BAZ1A: variants seen among roughly 807,000 people sequenced by gnomAD.
BAZ1A encodes bromodomain adjacent to zinc finger domain protein 1A.
A neutral mutation model predicts 185.2 loss-of-function variants in BAZ1A; 50 were observed. That is an observed-to-expected ratio of 0.27 (90% CI 0.22 to 0.34). The LOEUF is 0.34. Among genes scored for constraint, BAZ1A ranks in the 10% least tolerant of loss-of-function variants. BAZ1A has a pLI of 1.00. For synonymous variants in BAZ1A, 571 were observed against 615.6 expected (o/e 0.93, Z 1.07); for missense variants, 1,356 against 1,839.9 (o/e 0.74, Z 4.81).
intron 10 of BAZ1A, 87 bp downstream of exon 10, chr14:34,795,583 G>T: frequency 1.2e-6 from 1 of 844,004 alleles, no homozygotes; most frequent in Non-Finnish European, 1.8e-6. Flanking sequence ...AGAAGAGGCT[G>T]CTATTAAATA....
At chr14:34,805,903 T>C (rs371070963) in intron 6 of BAZ1A, among the ~76,000 whole-genome samples, 23 of 151,820 alleles carry the variant, frequency 1.5e-4, no homozygotes, top group African/African-American at 5.6e-4. Flanking sequence ...TTTTTTCCCT[T>C]AGACGGAGTC....
At chr14:34,849,062 G>C (rs960396670) in intron 3 of BAZ1A, among the ~76,000 whole-genome samples, 4 of 152,188 alleles carry the variant, frequency 2.6e-5, no homozygotes, top group Non-Finnish European at 5.9e-5. Flanking sequence ...ACTTTCAGGA[G>C]GCTGAGGCAG....
chr14:34,790,168 CTTTTTTTTT>C (rs60291735), intron 12 of BAZ1A, among the ~76,000 whole-genome samples: 1 of 140,698 alleles, frequency 7.1e-6, no homozygotes, highest in African/African-American at 2.6e-5. Flanking sequence ...TAAATATTTT[CTTTTTTTTT>C]TTTTTCCCTT....
intron 17 of BAZ1A, among the ~76,000 whole-genome samples, chr14:34,778,864 T>C (rs1192828230): frequency 6.6e-6 from 1 of 152,214 alleles, no homozygotes; most frequent in African/African-American, 2.4e-5. Context: ...ATTTTTATTT[T>C]ATTTTTTTGA....
chr14:34,867,498 T>G (rs1319810873), intron 2 of BAZ1A, among the ~76,000 whole-genome samples: 1 of 152,172 alleles, frequency 6.6e-6, no homozygotes. Flanking sequence ...AAACACGATT[T>G]AGACTTAACA....
rs529934441 is a variant in BAZ1A, at chr14:34,868,595, G to A, written c.113+5897C>T. On this transcript the variant is annotated intron_variant, in intron 2 of 26. Transcript: ENST00000360310. ...GAGGCGGGTGGATCACAAGTCAGGA[G>A]GTCAAGACCAGCATAGCCAAGATGG... 1.7e-4 allele frequency among the ~76,000 whole-genome samples: 26 copies of A among 152,204 alleles called. No homozygotes were observed. The Middle Eastern group carries it at 0.01, about 60-fold the overall frequency.
In BAZ1A at chr14:34,800,246, C is replaced by T. The variant is rs1594853684; in HGVS notation, c.1106G>A (p.Arg369Lys). The change falls in exon 9 of 27, where the codon AGG becomes AAG. Residue 369 changes from arginine (R) to lysine (K), a missense_variant. Arg to Lys is a conservative substitution (Grantham distance 26). Coordinates refer to ENST00000360310, the MANE Select transcript of BAZ1A (RefSeq NM_013448.3). ...ERLKKKEEKE[R>K]LKVEREKERE... The stretch of plus-strand genomic sequence containing the variant: ...TACCTTTTCTCTTTCTACTTTAAGC[C>T]TCTCTTTTTCTTCTTTTTTCTTTAG... 7.1e-7 allele frequency: 1 copy of T among 1,412,514 alleles called. No individual in the cohort carries two copies. The highest frequency in any genetic ancestry group is 1.5e-5 in the African/African-American group (1 of 67,930). The allele number at this position is 1,412,514 out of a possible 1,614,324, so 87.5% of individuals were successfully genotyped here.
chr14:34,808,649 C>A (rs1043717702), intron 5 of BAZ1A, among the ~76,000 whole-genome samples: 2 of 152,136 alleles, frequency 1.3e-5, no homozygotes, highest in Non-Finnish European at 1.5e-5. Flanking sequence ...ATTTAAATCT[C>A]ATGACAACCA....
chr14:34,800,967 G>T (rs1169924481), intron 8 of BAZ1A, 127 bp downstream of exon 8: 1 of 632,058 alleles, frequency 1.6e-6, no homozygotes, highest in East Asian at 3.1e-5. Flanking sequence ...TTATCTGATA[G>T]AAAAAATAAC....
At chr14:34,851,149 G>A (rs2042590262) in intron 3 of BAZ1A, among the ~76,000 whole-genome samples, 1 of 151,660 alleles carries the variant, frequency 6.6e-6, no homozygotes. Flanking sequence ...CTTGGCCAAC[G>A]TAGCGAAATC....
At chr14:34,775,878 G>A in intron 18 of BAZ1A, 41 bp downstream of exon 18, 1 of 1,481,496 alleles carries the variant, frequency 6.7e-7, no homozygotes. Flanking sequence ...GAGATTAGGG[G>A]GAGGGAAAAA....
At chr14:34,870,619 C>CA (rs1163599143) in intron 2 of BAZ1A, among the ~76,000 whole-genome samples, 6 of 152,174 alleles carry the variant, frequency 3.9e-5, no homozygotes, top group African/African-American at 1.4e-4. Context: ...AAGATCTAGG[C>CA]AGCCAGTTTA....
intron 15 of BAZ1A, among the ~76,000 whole-genome samples, chr14:34,783,508 G>C (rs758194720): frequency 6.6e-5 from 10 of 151,080 alleles, no homozygotes; most frequent in Non-Finnish European, 1.5e-4. Context: ...GTTACTTTTT[G>C]TATTTTTAGT....
At chr14:34,801,294 A>AT (rs910649829) in intron 7 of BAZ1A, 101 bp from the exon 8 acceptor site, 8 of 811,374 alleles carry the variant, frequency 9.9e-6, no homozygotes, top group Non-Finnish European at 1.5e-5. Context: ...TACTAAAATG[A>AT]TTTTTTTATT....
chr14:34,786,988 A>AAAGCT (rs1880500703), intron 12 of BAZ1A, among the ~76,000 whole-genome samples: 1 of 152,184 alleles, frequency 6.6e-6, no homozygotes, highest in South Asian at 2.1e-4. Flanking sequence ...AATGAGCTAA[A>AAAGCT]AAAAAGTTAA....
At chr14:34,859,629 T>C (rs951155583) in intron 3 of BAZ1A, among the ~76,000 whole-genome samples, 4 of 152,116 alleles carry the variant, frequency 2.6e-5, no homozygotes, top group African/African-American at 9.7e-5. Flanking sequence ...TAACTGAGCC[T>C]CCTTTAAATC....
At chr14:34,830,248 TC>T (rs1555343116) in intron 3 of BAZ1A, among the ~76,000 whole-genome samples, 1 of 151,472 alleles carries the variant, frequency 6.6e-6, no homozygotes, top group Non-Finnish European at 1.5e-5. Context: ...CAAATATCCA[TC>T]AACTGATCAT....
chr14:34,800,379 C>G lies in BAZ1A; in HGVS notation c.973G>C (p.Ala325Pro). 1.3e-6 allele frequency: 2 copies of G among 1,540,664 alleles called. No individual in the cohort carries two copies. The highest frequency in any genetic ancestry group is 1.7e-6 in the Non-Finnish European group (2 of 1,152,430). The stretch of plus-strand genomic sequence containing the variant: ...TCTGCTTTTTCTCTTTTTAATTTAG[C>G]CTTTTCAAAAGCTGTGAAGAAAAAT... ...EEMKSLAFEK[A>P]KLKREKADAL... The change falls in exon 9 of 27, where the codon GCT becomes CCT. Residue 325 changes from alanine to proline, a missense_variant. Physicochemically the swap from Ala to Pro is conservative, Grantham distance 27. Transcript: ENST00000360310.
chr14:34,786,603 G>GTTTTT (rs542523340), intron 12 of BAZ1A: 5,102 of 106,410 alleles, frequency 0.048, 659 homozygotes, highest in South Asian at 0.061. Flanking sequence ...TCTTTTATGT[G>GTTTTT]TGTTTTTTTT....
Sources: allele counts gnomAD v4.1 joint callset (sites outside exome capture counted in the v4.1 genomes callset), GRCh38; gene constraint gnomAD v4.1.1; transcripts MANE v1.5; gene names NCBI Gene and HGNC (gene_info 2026-07-23, HGNC 2026-07-21).